SNTB1: variants seen among roughly 807,000 people sequenced by gnomAD.
SNTB1 encodes the protein beta-1-syntrophin.
SNTB1 carries 36 observed loss-of-function variants against 48.9 expected under a neutral mutation model. That is an observed-to-expected ratio of 0.74 (90% CI 0.56 to 0.97). SNTB1 has a LOEUF of 0.97. Among genes scored for constraint, SNTB1 ranks in the 50% least tolerant of loss-of-function variants. SNTB1 has a pLI of 0.00. For synonymous variants in SNTB1, 299 were observed against 294.6 expected, an observed-to-expected ratio of 1.01 and a Z score of -0.15; for missense variants, 786 against 703.4, an observed-to-expected ratio of 1.12 and a Z score of -1.33.
At chr8:120,803,726 G>T (rs1375214311) in intron 1 of SNTB1, among the ~76,000 whole-genome samples, 1 of 152,114 alleles carries the variant, frequency 6.6e-6, no homozygotes, top group Non-Finnish European at 1.5e-5. Flanking sequence ...GAACTGAAGG[G>T]CTGTTCTGAC....
At position 120,811,294 on chromosome 8, in the gene SNTB1, C is replaced by T; in HGVS notation, c.550G>A (p.Gly184Ser). The T allele has an allele frequency of 6.2e-7, 1 of 1,604,814 alleles. No individual in the cohort carries two copies. Among genetic ancestry groups the T allele is most frequent in the Non-Finnish European group, 8.5e-7 (1 of 1,178,800 alleles). Residue 184 changes from glycine (G) to serine (S), a missense_variant, in exon 1 of 7, where the codon GGC becomes AGC. Gly to Ser is a moderately conservative substitution (Grantham distance 56). Coordinates refer to ENST00000517992, the MANE Select transcript of SNTB1 (RefSeq NM_021021.4). ...DEAVQALKRAGKEVLLEVKYM... is the reference protein window; with the variant it reads ...DEAVQALKRASKEVLLEVKYM... ...TTACCTTCCAGCAGCACTTCCTTGC[C>T]CGCGCGCTTCAACGCCTGCACCGCC...
intron 2 of SNTB1, among the ~76,000 whole-genome samples, chr8:120,668,229 G>C (rs943595725): frequency 6.6e-6 from 1 of 152,218 alleles, no homozygotes; most frequent in Non-Finnish European, 1.5e-5. Flanking sequence ...CATGGCTTGA[G>C]AGATCAAGGC....
chr8:120,754,803 G>C (rs1418311039), intron 1 of SNTB1, among the ~76,000 whole-genome samples: 2 of 152,164 alleles, frequency 1.3e-5, no homozygotes, highest in African/African-American at 2.4e-5. Flanking sequence ...AAAGGTACAT[G>C]AGTTTAAGAA....
chr8:120,705,301 G>A (rs1431155642), intron 1 of SNTB1, among the ~76,000 whole-genome samples: 1 of 152,182 alleles, frequency 6.6e-6, no homozygotes, highest in Non-Finnish European at 1.5e-5. Flanking sequence ...TAGAACTGTT[G>A]TGAGGATTCA....
chr8:120,805,928 C>G (rs1820327505), intron 1 of SNTB1, among the ~76,000 whole-genome samples: 1 of 152,214 alleles, frequency 6.6e-6, no homozygotes, highest in South Asian at 2.1e-4. Flanking sequence ...TGGCAAGTGA[C>G]TTAAACTCTG....
At chr8:120,758,434 CTCATCAAA>C (rs1192704909) in intron 1 of SNTB1, among the ~76,000 whole-genome samples, 1 of 152,102 alleles carries the variant, frequency 6.6e-6, no homozygotes, top group Non-Finnish European at 1.5e-5. Context: ...GTTAGAGGTC[CTCATCAAA>C]TCTATACTCT....
At chr8:120,549,856 G>A (rs1815448785) in intron 4 of SNTB1, among the ~76,000 whole-genome samples, 1 of 152,156 alleles carries the variant, frequency 6.6e-6, no homozygotes, top group Non-Finnish European at 1.5e-5. Context: ...TTTAGTAAAT[G>A]TGACTTCTTT....
At chr8:120,578,240 C>G (rs562058566) in intron 3 of SNTB1, among the ~76,000 whole-genome samples, 1 of 151,416 alleles carries the variant, frequency 6.6e-6, no homozygotes, top group South Asian at 2.1e-4. Flanking sequence ...TGGGATTTCA[C>G]TGTGTTAGCC....
chr8:120,597,030 G>A lies in SNTB1; in HGVS notation c.997-21805C>T, dbSNP rs144356210. On this transcript the variant is annotated intron_variant, in intron 3 of 6. Transcript: ENST00000517992. The stretch of plus-strand genomic sequence containing the variant: ...ATGGCAAAGACTTTGCAGAGGTCTC[G>A]AGATAGGGAGACTAGCCTGAGTTAT... Among the ~76,000 whole-genome samples the A allele has an allele frequency of 1.2e-4, 18 of 152,286 alleles. No individual in the cohort carries two copies. In the East Asian group the frequency reaches 3.1e-3, roughly 26 times the overall value.
At chr8:120,719,022 A>T (rs576078277) in intron 1 of SNTB1, among the ~76,000 whole-genome samples, 1 of 152,312 alleles carries the variant, frequency 6.6e-6, no homozygotes, top group East Asian at 1.9e-4. Context: ...AGCAAGGTAA[A>T]AGTTTTGTCC....
At chr8:120,805,545 TA>T (rs1419477272) in intron 1 of SNTB1, among the ~76,000 whole-genome samples, 1 of 146,086 alleles carries the variant, frequency 6.8e-6, no homozygotes, top group East Asian at 2.1e-4. Context: ...GGAAAAGATT[TA>T]AAAATAAAAA....
At chr8:120,756,628 G>A (rs1335398534) in intron 1 of SNTB1, among the ~76,000 whole-genome samples, 2 of 152,166 alleles carry the variant, frequency 1.3e-5, no homozygotes, top group East Asian at 1.9e-4. Context: ...GGAGTTGAAT[G>A]AGTTGAGCTA....
At chr8:120,656,827 C>A (rs889226808) in intron 2 of SNTB1, among the ~76,000 whole-genome samples, 2 of 151,994 alleles carry the variant, frequency 1.3e-5, no homozygotes, top group African/African-American at 4.8e-5. Flanking sequence ...TAGTATGTCC[C>A]ATGTAATATC....
chr8:120,611,705 C>T (rs1281831950), intron 3 of SNTB1, among the ~76,000 whole-genome samples: 5 of 151,564 alleles, frequency 3.3e-5, no homozygotes, highest in Admixed American at 3.3e-4. Flanking sequence ...GCCTGTAGTC[C>T]CAGCTACTCG....
intron 2 of SNTB1, among the ~76,000 whole-genome samples, chr8:120,686,600 G>A (rs1818038565): frequency 6.6e-6 from 1 of 151,718 alleles, no homozygotes; most frequent in African/African-American, 2.4e-5. Flanking sequence ...TGGGGGGTGG[G>A]GGGACACAAA....
chr8:120,575,578 T>G (rs1466205234), intron 3 of SNTB1, among the ~76,000 whole-genome samples: 1 of 152,218 alleles, frequency 6.6e-6, no homozygotes. Flanking sequence ...CAGTAGCATT[T>G]TTTTTTATTA....
intron 2 of SNTB1, among the ~76,000 whole-genome samples, chr8:120,639,602 G>A (rs1426716491): frequency 1.3e-5 from 2 of 152,160 alleles, no homozygotes; most frequent in Non-Finnish European, 2.9e-5. Flanking sequence ...CATATGGCTA[G>A]CCAGTTTTTC....
In SNTB1 at chr8:120,811,905, C is replaced by A. The variant is rs1036923265; in HGVS notation, c.-62G>T. Reference sequence around the variant, plus strand: ...AGGGGGGAAAAGTGGGGAAGGGTGGCCGGGGGGAGGACGCGGGGCCCGGGG... The same window carrying A: ...AGGGGGGAAAAGTGGGGAAGGGTGGACGGGGGGAGGACGCGGGGCCCGGGG... On this transcript the variant is annotated 5_prime_UTR_variant, in exon 1 of 7. Coordinates refer to ENST00000517992, the MANE Select transcript of SNTB1 (RefSeq NM_021021.4). 9.3e-6 allele frequency: 12 copies of A among 1,289,520 alleles called. No homozygotes were observed. In the African/African-American group the frequency reaches 9.3e-5, roughly 10 times the overall value. 79.9% of individuals were successfully genotyped at this position (1,289,520 alleles called of 1,614,324 possible). A position where few individuals can be genotyped will look rare whatever the true frequency, so the allele number is the denominator to read the frequency against.
At chr8:120,563,413 C>T (rs930489695) in intron 4 of SNTB1, among the ~76,000 whole-genome samples, 1 of 152,008 alleles carries the variant, frequency 6.6e-6, no homozygotes. Context: ...TTGCAAACTT[C>T]CTGAGCGCAC....
Sources: allele counts gnomAD v4.1 joint callset (sites outside exome capture counted in the v4.1 genomes callset), GRCh38; gene constraint gnomAD v4.1.1; transcripts MANE v1.5; gene names NCBI Gene and HGNC (gene_info 2026-07-23, HGNC 2026-07-21).